The following ARID1B variants were observed in gnomAD, a reference collection of about 807,000 sequenced individuals.
The protein encoded by ARID1B is AT-rich interactive domain-containing protein 1B.
In ARID1B, 30 loss-of-function variants were observed where a neutral mutation model predicts 212.3. The ratio of observed to expected loss-of-function variants is 0.14; its 90% CI spans 0.11 to 0.19. The LOEUF (loss-of-function observed/expected upper bound fraction) is 0.19. Among genes scored for constraint, ARID1B ranks in the 10% least tolerant of loss-of-function variants. ARID1B has a pLI of 1.00. For missense variants in ARID1B, 2,891 were observed against 3,204.0 expected, an observed-to-expected ratio of 0.90 and a Z score of 2.36; for synonymous variants, 1,402 against 1,301.7, an observed-to-expected ratio of 1.08 and a Z score of -1.66.
chr6:157,008,790 C>A (rs1779393495), intron 4 of ARID1B, among the ~76,000 whole-genome samples: 2 of 152,010 alleles, frequency 1.3e-5, no homozygotes, highest in Non-Finnish European at 2.9e-5. Flanking sequence ...AGCATGGGTC[C>A]TTCACTGGTC....
At chr6:156,834,928 GT>G (rs1203028720) in intron 2 of ARID1B, among the ~76,000 whole-genome samples, 1 of 152,196 alleles carries the variant, frequency 6.6e-6, no homozygotes, top group East Asian at 1.9e-4. Context: ...TGTAGATGGA[GT>G]TTTGTACTAA....
In ARID1B at chr6:157,210,390, A is replaced by G; in HGVS notation, c.*2499A>G. 4.3e-6 allele frequency: 1 copy of G among 230,586 alleles called. No homozygotes were observed. Among genetic ancestry groups the G allele is most frequent in the Non-Finnish European group, 8.6e-6 (1 of 116,468 alleles). 14.3% of individuals were successfully genotyped at this position (230,586 alleles called of 1,614,324 possible). A position where few individuals can be genotyped will look rare whatever the true frequency, so the allele number is the denominator to read the frequency against. On this transcript the variant is annotated 3_prime_UTR_variant, in exon 20 of 20. Coordinates refer to ENST00000636930, the MANE Select transcript of ARID1B (RefSeq NM_001374828.1). Reference sequence around the variant, plus strand: ...TTCCAATTCCTTTGTCAATCAGAAGAGTAAAATAATTAACAAAAGACTGTT... The same window carrying G: ...TTCCAATTCCTTTGTCAATCAGAAGGGTAAAATAATTAACAAAAGACTGTT...
At chr6:156,940,908 CAA>C (rs1237731312) in intron 4 of ARID1B, 1 of 152,070 alleles carries the variant, frequency 6.6e-6, no homozygotes, top group Non-Finnish European at 1.5e-5. Context: ...CAGGTTTTGG[CAA>C]AAGTTAAAAT....
At chr6:157,196,131 C>G (rs750737781) in intron 15 of ARID1B, 34 bp from the exon 16 acceptor site, 10 of 1,608,540 alleles carry the variant, frequency 6.2e-6, no homozygotes, top group Admixed American at 5.2e-5. Flanking sequence ...TTCAGAAATG[C>G]CTAAATGTAT....
intron 4 of ARID1B, among the ~76,000 whole-genome samples, chr6:156,980,860 G>T (rs1199667194): frequency 1.3e-5 from 2 of 152,148 alleles, no homozygotes; most frequent in African/African-American, 4.8e-5. Flanking sequence ...CACAGATACT[G>T]GTTTATATTT....
chr6:156,826,267 T>C (rs1379976417), intron 1 of ARID1B, among the ~76,000 whole-genome samples: 1 of 152,224 alleles, frequency 6.6e-6, no homozygotes, highest in Non-Finnish European at 1.5e-5. Context: ...GTCCTGTGGA[T>C]CCCTTGGGAC....
At chr6:156,959,386 T>A (rs1166043533) in intron 4 of ARID1B, among the ~76,000 whole-genome samples, 1 of 152,236 alleles carries the variant, frequency 6.6e-6, no homozygotes. Flanking sequence ...TGAATAGTTG[T>A]TGTACTTTGT....
intron 1 of ARID1B, among the ~76,000 whole-genome samples, chr6:156,783,818 A>T (rs2115077276): frequency 6.6e-6 from 1 of 152,216 alleles, no homozygotes; most frequent in Admixed American, 6.5e-5. Context: ...GCAGCTCTAC[A>T]CTGGACTGAC....
intron 3 of ARID1B, among the ~76,000 whole-genome samples, chr6:156,907,902 T>TC (rs1789535851): frequency 7.4e-6 from 1 of 134,910 alleles, no homozygotes; most frequent in African/African-American, 3.0e-5. Flanking sequence ...AGCAAGACTG[T>TC]CTCAAAAAAA....
chr6:157,144,601 GGGAGGAGGAGGAGGA>G (rs542784525), intron 7 of ARID1B, among the ~76,000 whole-genome samples: 4 of 152,088 alleles, frequency 2.6e-5, no homozygotes, highest in African/African-American at 4.8e-5. Flanking sequence ...TGTGAGCTTG[GGGAGGAGGAGGAGGA>G]GGAGTCTGAA....
upstream of ARID1B, among the ~76,000 whole-genome samples, chr6:156,776,182 A>C (rs550319833): frequency 1.3e-5 from 2 of 152,360 alleles, no homozygotes; most frequent in East Asian, 3.8e-4. Context: ...AACTGAGTCC[A>C]CACTAGTACA....
In ARID1B at chr6:156,833,238, A is replaced by G. The variant is rs143056979; in HGVS notation, c.1986+3817A>G. ...TCAGATTAAAAAAAAAACAAACCTT[A>G]AAGACACCAAGATATTCTTTGCTGG... On this transcript the variant is annotated intron_variant, in intron 2 of 19. Transcript: ENST00000636930. Among the ~76,000 whole-genome samples, 350 of 152,310 alleles carry G rather than the reference A, an allele frequency of 2.3e-3. 1 individual carries two copies. The highest frequency in any genetic ancestry group is 7.8e-3 in the African/African-American group (326 of 41,568).
At chr6:157,086,315 A>G (rs1035403551) in intron 5 of ARID1B, among the ~76,000 whole-genome samples, 1 of 152,176 alleles carries the variant, frequency 6.6e-6, no homozygotes, top group African/African-American at 2.4e-5. Context: ...TCAAAGATAT[A>G]TGTTTGTCCT....
intron 1 of ARID1B, among the ~76,000 whole-genome samples, chr6:156,780,141 A>G (rs1404339789): frequency 6.6e-6 from 1 of 152,144 alleles, no homozygotes; most frequent in Admixed American, 6.5e-5. Flanking sequence ...TGTAAAATAC[A>G]TCGATTCGTT....
At chr6:157,077,837 C>G (rs1048470684) in intron 4 of ARID1B, among the ~76,000 whole-genome samples, 1 of 152,182 alleles carries the variant, frequency 6.6e-6, no homozygotes, top group Non-Finnish European at 1.5e-5. Flanking sequence ...TTTTCTCCAC[C>G]TCCTCTCACC....
At chr6:157,156,983 C>T (rs1229769856) in intron 8 of ARID1B, among the ~76,000 whole-genome samples, 1 of 152,202 alleles carries the variant, frequency 6.6e-6, no homozygotes, top group African/African-American at 2.4e-5. Context: ...TTGATCATGG[C>T]AGAGTGTGTC....
Position 157,060,630 on chromosome 6 carries a change from C to CTTTTTTTT in ARID1B, c.2248-24013_2248-24006dup, listed in dbSNP as rs56870548. On this transcript the variant is annotated intron_variant, in intron 4 of 19. Transcript: ENST00000636930. ...TAATATATGTGAAGCAAAATCTGAA[C>CTTTTTTTT]TTTTTTTTTTTTTTTTTTTTTTTTT... 6.9e-5 allele frequency among the ~76,000 whole-genome samples: 5 copies of CTTTTTTTT among 72,044 alleles called. 1 individual carries two copies. Among genetic ancestry groups the CTTTTTTTT allele is most frequent in the South Asian group, 7.1e-4 (1 of 1,406 alleles). The allele number at this position is 72,044 out of a possible 152,430, so 47.3% of individuals were successfully genotyped here. A position where few individuals can be genotyped will look rare whatever the true frequency, so the allele number is the denominator to read the frequency against.
intron 6 of ARID1B, among the ~76,000 whole-genome samples, chr6:157,122,943 AAGT>A (rs1787843570): frequency 6.6e-6 from 1 of 152,026 alleles, no homozygotes; most frequent in Non-Finnish European, 1.5e-5. Context: ...CAGCCTCCCA[AAGT>A]ACTGGGATTA....
At chr6:157,100,716 C>T (rs1175783649) in intron 5 of ARID1B, among the ~76,000 whole-genome samples, 2 of 152,156 alleles carry the variant, frequency 1.3e-5, no homozygotes, top group East Asian at 3.9e-4. Context: ...CAGAGCTGTA[C>T]CATCTTACCA....
Sources: gnomAD v4.1 joint callset for allele counts (sites outside exome capture counted in the v4.1 genomes callset) on GRCh38, gnomAD v4.1.1 for gene constraint, MANE v1.5 for transcripts, NCBI Gene and HGNC (gene_info 2026-07-23, HGNC 2026-07-21) for gene names.